The following SYT14 variants were observed in gnomAD, a reference collection of about 807,000 sequenced individuals.
SYT14 encodes synaptotagmin 14, also known as synaptotagmin-14.
Under a neutral mutation model 74.2 loss-of-function variants are expected in SYT14, and 32 were observed. The ratio of observed to expected loss-of-function variants is 0.43; its 90% CI spans 0.33 to 0.58. The LOEUF (loss-of-function observed/expected upper bound fraction) is 0.58, where lower values mean the gene tolerates loss of function less well. SYT14 is among the 20% of genes least tolerant of loss of function. The probability of loss-of-function intolerance (pLI) is 0.05; values close to 1 mark genes in which losing one functional copy is unlikely to be tolerated. For synonymous variants in SYT14, 298 were observed against 337.7 expected (o/e 0.88, Z 1.29); for missense variants, 791 against 981.8 (o/e 0.81, Z 2.60).
At chr1:210,087,324 T>C in intron 5 of SYT14, among the ~76,000 whole-genome samples, 1 of 152,212 alleles carries the variant, frequency 6.6e-6, no homozygotes, top group East Asian at 1.9e-4. Context: ...GGCTCTGATA[T>C]ACTTCACCAG....
intron 2 of SYT14, among the ~76,000 whole-genome samples, chr1:210,005,034 A>G (rs1436870964): frequency 6.6e-6 from 1 of 151,898 alleles, no homozygotes; most frequent in South Asian, 2.1e-4. Flanking sequence ...ACTATGCCGG[A>G]CTCATTTATT....
In SYT14 at chr1:210,168,075, G is replaced by C. The variant is rs1184220326; in HGVS notation, c.*7033G>C. The C allele has an allele frequency of 1.9e-5, 3 of 153,946 alleles. No individual in the cohort carries two copies. The East Asian group carries it at 5.8e-4, about 30-fold the overall frequency. The allele number at this position is 153,946 out of a possible 1,614,324, so 9.5% of individuals were successfully genotyped here. On this transcript the variant is annotated 3_prime_UTR_variant, in exon 10 of 10. Transcript: ENST00000637265. The stretch of plus-strand genomic sequence containing the variant: ...TGTTGTTGCTGTTTCGGTGGTGGTG[G>C]TGGTGGTGGTGGTGGTTGTGTACTT...
chr1:210,072,070 T>A (rs2081404911), intron 5 of SYT14, among the ~76,000 whole-genome samples: 1 of 151,364 alleles, frequency 6.6e-6, no homozygotes, highest in Admixed American at 6.6e-5. Context: ...CATTTTCTAT[T>A]CAATAATTTG....
chr1:210,090,629 A>G (rs918846773), intron 5 of SYT14, among the ~76,000 whole-genome samples: 20 of 152,312 alleles, frequency 1.3e-4, no homozygotes, highest in African/African-American at 4.8e-4. Flanking sequence ...CGGGGTATGA[A>G]ATTAGGTAAT....
intron 7 of SYT14, among the ~76,000 whole-genome samples, chr1:210,107,573 C>A (rs1300383680): frequency 6.6e-6 from 1 of 152,060 alleles, no homozygotes; most frequent in Non-Finnish European, 1.5e-5. Context: ...TGTAAGAATG[C>A]TAATATGCTA....
intron 1 of SYT14, among the ~76,000 whole-genome samples, chr1:209,940,776 C>G (rs1219965087): frequency 6.6e-6 from 1 of 152,094 alleles, no homozygotes; most frequent in African/African-American, 2.4e-5. Flanking sequence ...ATAAAATATC[C>G]ACTTCCCTCC....
At chr1:210,114,444 G>T (rs2082320124) in intron 7 of SYT14, among the ~76,000 whole-genome samples, 1 of 151,362 alleles carries the variant, frequency 6.6e-6, no homozygotes, top group Non-Finnish European at 1.5e-5. Context: ...ATCAAGTCCT[G>T]TTGTGGGGTT....
intron 5 of SYT14, among the ~76,000 whole-genome samples, chr1:210,083,558 G>A (rs1295772695): frequency 1.3e-5 from 2 of 151,656 alleles, no homozygotes; most frequent in African/African-American, 4.9e-5. Context: ...GTGCCACAAT[G>A]CTCAGCTAAT....
At chr1:210,024,173 A>G (rs1441269331) in intron 5 of SYT14, among the ~76,000 whole-genome samples, 1 of 152,174 alleles carries the variant, frequency 6.6e-6, no homozygotes, top group African/African-American at 2.4e-5. Flanking sequence ...ATAGGGTTTA[A>G]TTTGTTTGCC....
chr1:209,964,861 A>G (rs1462049719), intron 2 of SYT14, among the ~76,000 whole-genome samples: 1 of 152,204 alleles, frequency 6.6e-6, no homozygotes, highest in Admixed American at 6.5e-5. Flanking sequence ...TTCAGCATAA[A>G]CCATAGTATT....
intron 2 of SYT14, among the ~76,000 whole-genome samples, chr1:209,997,661 T>C (rs1007182454): frequency 3.3e-5 from 5 of 151,972 alleles, no homozygotes; most frequent in African/African-American, 1.2e-4. Context: ...GACATAAATA[T>C]GAGAACAGTG....
At chr1:210,016,557 G>C (rs1014562039) in exon 4 of SYT14, 6 of 1,231,824 alleles carry the variant, frequency 4.9e-6, no homozygotes, top group South Asian at 8.2e-5. Flanking sequence ...TCCAATAATG[G>C]TAAGAATGAT....
At chr1:209,958,253 T>C (rs950926518) in intron 2 of SYT14, among the ~76,000 whole-genome samples, 1 of 152,210 alleles carries the variant, frequency 6.6e-6, no homozygotes. Flanking sequence ...CATTAATCAA[T>C]GTACCTATTC....
intron 7 of SYT14, among the ~76,000 whole-genome samples, chr1:210,136,659 G>A (rs557373395): frequency 4.6e-5 from 7 of 152,262 alleles, no homozygotes; most frequent in African/African-American, 1.7e-4. Context: ...ATGGTGTTAT[G>A]AGAGCAGTTG....
chr1:209,995,205 A>G (rs191552965), intron 2 of SYT14, among the ~76,000 whole-genome samples: 17 of 152,290 alleles, frequency 1.1e-4, no homozygotes, highest in Non-Finnish European at 2.4e-4. Flanking sequence ...GGCAAGGTGG[A>G]TAAAAAGAGA....
intron 2 of SYT14, among the ~76,000 whole-genome samples, chr1:210,009,806 T>C (rs576017367): frequency 1.2e-4 from 18 of 152,188 alleles, no homozygotes; most frequent in Non-Finnish European, 1.5e-5. Context: ...CCTTCTACTT[T>C]CCTCTTTCCT....
intron 5 of SYT14, among the ~76,000 whole-genome samples, chr1:210,029,806 G>A (rs778954923): frequency 4.5e-4 from 68 of 152,096 alleles, no homozygotes; most frequent in Admixed American, 2.0e-3. Flanking sequence ...TTTTGTGGAG[G>A]TGGCATTAAA....
chr1:210,075,968 A>G (rs2081493619), intron 5 of SYT14, among the ~76,000 whole-genome samples: 1 of 152,208 alleles, frequency 6.6e-6, no homozygotes, highest in Non-Finnish European at 1.5e-5. Flanking sequence ...TTTCTTTCCC[A>G]TAGGCTTATC....
chr1:210,034,209 A>G (rs999451327), intron 5 of SYT14, among the ~76,000 whole-genome samples: 22 of 151,768 alleles, frequency 1.4e-4, no homozygotes, highest in Admixed American at 1.2e-3. Context: ...CTTAGGTCTA[A>G]GGTTAATACA....
Sources: gnomAD v4.1 joint callset for allele counts (sites outside exome capture counted in the v4.1 genomes callset) on GRCh38, gnomAD v4.1.1 for gene constraint, MANE v1.5 for transcripts, NCBI Gene and HGNC (gene_info 2026-07-23, HGNC 2026-07-21) for gene names.